The following GLI2 variants were observed in gnomAD, a reference collection of about 807,000 sequenced individuals.
GLI2 encodes transcription activator GLI2.
A neutral mutation model predicts 78.9 loss-of-function variants in GLI2; 22 were observed. That is an observed-to-expected ratio of 0.28 (90% confidence interval 0.20 to 0.40). GLI2 has a LOEUF of 0.40. Among genes scored for constraint, GLI2 ranks in the 10% least tolerant of loss-of-function variants. The pLI, the probability that GLI2 is intolerant of heterozygous loss-of-function variation, is 1.00. For synonymous variants in GLI2, 974 were observed against 963.7 expected (o/e 1.01, Z -0.20); for missense variants, 2,097 against 2,213.2 (o/e 0.95, Z 1.05).
chr2:120,973,966 C>T (rs1310564443), intron 8 of GLI2, among the ~76,000 whole-genome samples: 2 of 152,122 alleles, frequency 1.3e-5, no homozygotes, highest in East Asian at 3.9e-4. Flanking sequence ...TCATTGAGTC[C>T]CCGGAGCCAG....
At chr2:120,830,836 C>G (rs1686324345) in intron 2 of GLI2, among the ~76,000 whole-genome samples, 1 of 152,086 alleles carries the variant, frequency 6.6e-6, no homozygotes, top group African/African-American at 2.4e-5. Flanking sequence ...GACTTTGTTG[C>G]TGTCTCTCTC....
intron 7 of GLI2, 152 bp from the exon 8 acceptor site, chr2:120,971,789 G>A (rs752155101): frequency 2.5e-5 from 18 of 724,648 alleles, no homozygotes; most frequent in Non-Finnish European, 4.2e-5. Flanking sequence ...GCCCCTGGCA[G>A]GACTGAGCTG....
At chr2:120,756,231 C>T (rs1176304539) in intron 1 of GLI2, among the ~76,000 whole-genome samples, 1 of 151,978 alleles carries the variant, frequency 6.6e-6, no homozygotes, top group Non-Finnish European at 1.5e-5. Flanking sequence ...TTATTTACAT[C>T]TTCTTCATAT....
intron 5 of GLI2, 50 bp from the exon 6 acceptor site, chr2:120,968,664 C>G (rs1436401214): frequency 7.5e-7 from 1 of 1,332,320 alleles, no homozygotes; most frequent in African/African-American, 1.4e-5. Flanking sequence ...ATGTCACCCC[C>G]TCCCCCATCC....
intron 1 of GLI2, among the ~76,000 whole-genome samples, chr2:120,758,003 C>A (rs1394534566): frequency 2.0e-5 from 3 of 152,234 alleles, no homozygotes; most frequent in Non-Finnish European, 4.4e-5. Context: ...TTCTCACTAG[C>A]AGGGCCTTTC....
At chr2:120,871,179 A>G (rs989848382) in intron 2 of GLI2, among the ~76,000 whole-genome samples, 2 of 152,214 alleles carry the variant, frequency 1.3e-5, no homozygotes, top group African/African-American at 2.4e-5. Flanking sequence ...GCCCCTGCAG[A>G]AGCTACCTGC....
At position 120,989,693 on chromosome 2, in the gene GLI2, G is replaced by A. The variant is rs780215160; in HGVS notation, c.3728G>A (p.Ser1243Asn). 2.5e-6 allele frequency: 4 copies of A among 1,613,334 alleles called. No individual in the cohort carries two copies. The highest frequency in any genetic ancestry group is 3.4e-6 in the Non-Finnish European group (4 of 1,179,990). ...VHPQLSPSTISGALNQFPQSC... is the reference protein window; with the variant it reads ...VHPQLSPSTINGALNQFPQSC... ...CCCCAGCTGAGCCCCAGCACCATCA[G>A]TGGGGCCCTCAACCAGTTCCCCCAA... is the stretch of plus-strand genomic sequence containing the variant. The change falls in exon 14 of 14, where the codon AGT (serine) becomes AAT (asparagine). Residue 1243 changes from serine (S) to asparagine (N), a missense_variant. Ser to Asn is a conservative substitution (Grantham distance 46). Coordinates refer to ENST00000361492, the MANE Select transcript of GLI2 (RefSeq NM_001374353.1).
In GLI2 at chr2:120,845,631, C is replaced by T. The variant is rs1224333821; in HGVS notation, c.148+48163C>T. ...CAAACGGCACAGCAGTCGGGAGCCC[C>T]GGTCAGCTTCTTGTGCTGACTTGGC... On this transcript the variant is annotated intron_variant, in intron 2 of 13. Coordinates refer to ENST00000361492, the MANE Select transcript of GLI2 (RefSeq NM_001374353.1). Among the ~76,000 whole-genome samples, 4 of 152,164 alleles carry T rather than the reference C, an allele frequency of 2.6e-5. No homozygotes were observed. In the East Asian group the frequency reaches 5.8e-4, roughly 22 times the overall value.
intron 2 of GLI2, among the ~76,000 whole-genome samples, chr2:120,829,046 A>C (rs752007976): frequency 6.6e-6 from 1 of 151,986 alleles, no homozygotes; most frequent in African/African-American, 2.4e-5. Flanking sequence ...CACACACCAC[A>C]TGCTCACAGT....
At chr2:120,809,415 G>A (rs1372292727) in intron 2 of GLI2, among the ~76,000 whole-genome samples, 1 of 152,196 alleles carries the variant, frequency 6.6e-6, no homozygotes, top group African/African-American at 2.4e-5. Context: ...TTGGAGGGAT[G>A]AAAATGTTCT....
chr2:120,919,407 C>T (rs1439360873), intron 2 of GLI2, among the ~76,000 whole-genome samples: 3 of 152,220 alleles, frequency 2.0e-5, no homozygotes, highest in Non-Finnish European at 4.4e-5. Context: ...GTGCCCGACC[C>T]GACGCAGAGC....
intron 1 of GLI2, among the ~76,000 whole-genome samples, chr2:120,763,719 T>G (rs1683284308): frequency 6.6e-6 from 1 of 152,224 alleles, no homozygotes; most frequent in Admixed American, 6.5e-5. Flanking sequence ...CATCGTGCCC[T>G]CTTGCCCCAC....
At chr2:120,906,361 C>A (rs1678533665) in intron 2 of GLI2, among the ~76,000 whole-genome samples, 1 of 152,202 alleles carries the variant, frequency 6.6e-6, no homozygotes, top group African/African-American at 2.4e-5. Flanking sequence ...TCACCCTCTC[C>A]TGCCCTGGAC....
At position 120,942,837 on chromosome 2, in the gene GLI2, CAT is replaced by C. The variant is rs550665488; in HGVS notation, c.255-8405_255-8404del. ...TCATTCGTTCACGCCCTCACTCATT[CAT>C]TCATTCATTCGTTCACGCCCTCTTT... On this transcript the variant is annotated intron_variant, in intron 3 of 13. Transcript: ENST00000361492. 2.1e-3 allele frequency among the ~76,000 whole-genome samples: 300 copies of C among 145,018 alleles called. 1 individual carries two copies. The highest frequency in any genetic ancestry group is 7.8e-3 in the African/African-American group (288 of 37,144).
intron 10 of GLI2, among the ~76,000 whole-genome samples, chr2:120,979,734 GCAGCCACTCCTAATTCTGTCCTTCCCA>G (rs1682624527): frequency 6.6e-6 from 1 of 152,000 alleles, no homozygotes; most frequent in Admixed American, 6.6e-5. Context: ...GTACTCATTA[GCAGCCACTCCTAATTCTGTCCTTCCCA>G]CAGCCCCTCC....
chr2:120,764,168 C>G (rs1461914774), intron 1 of GLI2, among the ~76,000 whole-genome samples: 1 of 152,350 alleles, frequency 6.6e-6, no homozygotes, highest in East Asian at 1.9e-4. Flanking sequence ...GCCCTGATGG[C>G]ACTGGGCACA....
chr2:120,758,806 G>A (rs1328659173), intron 1 of GLI2, among the ~76,000 whole-genome samples: 2 of 152,188 alleles, frequency 1.3e-5, no homozygotes, highest in African/African-American at 2.4e-5. Context: ...GAGAGACAGA[G>A]TGAGGGTCAG....
chr2:120,779,129 C>T (rs947970936), intron 1 of GLI2, among the ~76,000 whole-genome samples: 6 of 152,196 alleles, frequency 3.9e-5, no homozygotes, highest in African/African-American at 1.2e-4. Flanking sequence ...GTCATGAGCC[C>T]GCACTGCCCA....
chr2:120,955,456 GGAT>G, intron 5 of GLI2, 26 bp downstream of exon 5: 1 of 1,442,436 alleles, frequency 6.9e-7, no homozygotes, highest in Non-Finnish European at 9.5e-7. Flanking sequence ...CAGGGGCTGA[GGAT>G]GGGGCTAGCA....
Sources: gnomAD v4.1 joint callset for allele counts (sites outside exome capture counted in the v4.1 genomes callset) on GRCh38, gnomAD v4.1.1 for gene constraint, MANE v1.5 for transcripts, NCBI Gene and HGNC (gene_info 2026-07-23, HGNC 2026-07-21) for gene names.